EML5: variants seen among roughly 807,000 people sequenced by gnomAD.
EML5 encodes the protein echinoderm microtubule-associated protein-like 5.
EML5 carries 120 observed loss-of-function variants against 250.0 expected under a neutral mutation model. The ratio of observed to expected loss-of-function variants is 0.48; its 90% CI spans 0.41 to 0.56. EML5 has a LOEUF of 0.56. Among genes scored for constraint, EML5 ranks in the 20% least tolerant of loss-of-function variants. The pLI is 0.00. For synonymous variants in EML5, 771 were observed against 806.5 expected (o/e 0.96, Z 0.75); for missense variants, 2,006 against 2,437.6 (o/e 0.82, Z 3.73).
chr14:88,695,295 A>T, intron 16 of EML5, 66 bp downstream of exon 16: 1 of 1,324,278 alleles, frequency 7.6e-7, no homozygotes, highest in Non-Finnish European at 1.0e-6. Flanking sequence ...TCTTTTAATT[A>T]AAAATTTTTT....
At chr14:88,718,146 T>A (rs1174317343) in intron 8 of EML5, among the ~76,000 whole-genome samples, 1 of 152,156 alleles carries the variant, frequency 6.6e-6, no homozygotes, top group East Asian at 1.9e-4. Flanking sequence ...CATAGACAGA[T>A]GATCAGTTTG....
intron 1 of EML5, among the ~76,000 whole-genome samples, chr14:88,771,196 G>A (rs922931767): frequency 6.6e-6 from 1 of 152,178 alleles, no homozygotes; most frequent in East Asian, 1.9e-4. Context: ...TGGTAAATGT[G>A]CATCCTTTTC....
chr14:88,705,431 A>G, intron 12 of EML5, 51 bp downstream of exon 12: 4 of 1,316,324 alleles, frequency 3.0e-6, no homozygotes, highest in Non-Finnish European at 4.3e-6. Flanking sequence ...GGAGCAAGAT[A>G]AAGAAGAAAT....
chr14:88,703,094 G>A (rs1489479000), intron 13 of EML5, among the ~76,000 whole-genome samples: 2 of 151,990 alleles, frequency 1.3e-5, no homozygotes, highest in African/African-American at 4.8e-5. Flanking sequence ...AAACTTTTAT[G>A]AACTGCTCGG....
intron 14 of EML5, 25 bp downstream of exon 14, chr14:88,702,421 C>A: frequency 9.5e-6 from 15 of 1,574,102 alleles, no homozygotes; most frequent in Non-Finnish European, 1.3e-5. Flanking sequence ...GCTTATCTGG[C>A]TTATTGTCAG....
At chr14:88,743,519 C>T (rs900271478) in intron 4 of EML5, among the ~76,000 whole-genome samples, 7 of 152,026 alleles carry the variant, frequency 4.6e-5, no homozygotes, top group African/African-American at 1.2e-4. Flanking sequence ...TATACACTGC[C>T]GCCTTATTTA....
At chr14:88,718,179 T>G (rs2093532490) in intron 8 of EML5, among the ~76,000 whole-genome samples, 1 of 152,054 alleles carries the variant, frequency 6.6e-6, no homozygotes, top group South Asian at 2.1e-4. Context: ...TGAGTTCAGT[T>G]TTGGAAATGC....
chr14:88,782,175 G>GAAA (rs2094503991), intron 1 of EML5, among the ~76,000 whole-genome samples: 1 of 152,192 alleles, frequency 6.6e-6, no homozygotes, highest in African/African-American at 2.4e-5. Context: ...ATGGAGAAGA[G>GAAA]AAACTTGTTG....
At chr14:88,780,454 G>A (rs573015997) in intron 1 of EML5, among the ~76,000 whole-genome samples, 11 of 152,304 alleles carry the variant, frequency 7.2e-5, no homozygotes, top group African/African-American at 2.6e-4. Context: ...GGGTTCTGCA[G>A]AGAAACAGAA....
chr14:88,750,968 C>T (rs888573562), intron 2 of EML5, among the ~76,000 whole-genome samples: 1 of 152,172 alleles, frequency 6.6e-6, no homozygotes, highest in African/African-American at 2.4e-5. Context: ...TCTCCTCTGT[C>T]TGGTATAGCT....
chr14:88,616,313 A>C lies in EML5; in HGVS notation c.5797-71T>G, dbSNP rs137907554. On this transcript the variant is annotated intron_variant, in intron 42 of 43. Coordinates refer to ENST00000554922, the MANE Select transcript of EML5 (RefSeq NM_183387.3). ...AAGTCAAAGGCTCTTATTAGGAACT[A>C]TAATCTCTATGACAAGAGCTGTGGA... The C allele has an allele frequency of 5.6e-4, 793 of 1,405,974 alleles. 4 individuals carry two copies. The African/African-American group carries it at 0.01, about 19-fold the overall frequency. 87.1% of individuals were successfully genotyped at this position (1,405,974 alleles called of 1,614,324 possible).
intron 6 of EML5, among the ~76,000 whole-genome samples, chr14:88,738,409 C>A (rs2093877477): frequency 7.0e-6 from 1 of 143,074 alleles, no homozygotes; most frequent in African/African-American, 2.6e-5. Context: ...TTTTTTTAAT[C>A]CCCAAGAGAA....
chr14:88,740,471 T>C lies in EML5; in HGVS notation c.627A>G (p.Glu209=). ...TILCLACARD[E]LTYSGALNGD... ...CATTGAGTGCACCAGAATATGTTAA[T>C]TCATCCCTTGCACAGGCTAGGCACA... Residue 209 remains glutamate, a synonymous_variant, in exon 5 of 44, where the codon GAA becomes GAG. Coordinates refer to ENST00000554922, the MANE Select transcript of EML5 (RefSeq NM_183387.3). 1.9e-6 allele frequency: 3 copies of C among 1,613,920 alleles called. No individual in the cohort carries two copies. Among genetic ancestry groups the C allele is most frequent in the Non-Finnish European group, 2.5e-6 (3 of 1,179,826 alleles).
chr14:88,688,580 A>G, intron 17 of EML5, 107 bp from the exon 18 acceptor site: 2 of 1,111,178 alleles, frequency 1.8e-6, no homozygotes, highest in East Asian at 2.4e-5. Flanking sequence ...ATAGTAAGGC[A>G]TGCAACAGTA....
At chr14:88,713,704 C>T in intron 9 of EML5, among the ~76,000 whole-genome samples, 1 of 151,630 alleles carries the variant, frequency 6.6e-6, no homozygotes, top group Non-Finnish European at 1.5e-5. Flanking sequence ...GATCCTTCCA[C>T]TTTGGCCTCC....
chr14:88,639,085 G>A (rs917980433), intron 31 of EML5, among the ~76,000 whole-genome samples, 178 bp from the exon 32 acceptor site: 1 of 152,178 alleles, frequency 6.6e-6, no homozygotes, highest in African/African-American at 2.4e-5. Flanking sequence ...TATGTAATGG[G>A]ATAGAGCCGT....
intron 8 of EML5, among the ~76,000 whole-genome samples, chr14:88,722,576 A>G (rs937385340): frequency 3.3e-5 from 5 of 152,098 alleles, no homozygotes; most frequent in African/African-American, 1.2e-4. Flanking sequence ...AGAACTATGG[A>G]CACAGGGAGA....
intron 18 of EML5, 146 bp from the exon 19 acceptor site, chr14:88,687,473 T>C (rs2092860156): frequency 6.6e-6 from 4 of 605,832 alleles, no homozygotes; most frequent in South Asian, 5.1e-5. Flanking sequence ...TAAGAATCCA[T>C]TGTGTTTTTA....
intron 20 of EML5, among the ~76,000 whole-genome samples, chr14:88,684,098 G>A (rs1357002850): frequency 6.6e-6 from 1 of 151,412 alleles, no homozygotes; most frequent in Non-Finnish European, 1.5e-5. Flanking sequence ...ACTAATAAAT[G>A]AGGACGGCAA....
Sources: gnomAD v4.1 joint callset for allele counts (sites outside exome capture counted in the v4.1 genomes callset) on GRCh38, gnomAD v4.1.1 for gene constraint, MANE v1.5 for transcripts, NCBI Gene and HGNC (gene_info 2026-07-23, HGNC 2026-07-21) for gene names.